Variants in ASCC1 observed in about 807,000 individuals in gnomAD.
The protein encoded by ASCC1 is activating signal cointegrator 1 complex subunit 1.
Under a neutral mutation model 46.6 loss-of-function variants are expected in ASCC1, and 35 were observed. The observed-to-expected ratio is 0.75, with a 90% CI of 0.57 to 0.99. ASCC1 has a LOEUF of 0.99. Ranked by LOEUF, ASCC1 falls within the 50% of genes least tolerant of loss-of-function variation. The pLI, the probability that ASCC1 is intolerant of heterozygous loss-of-function variation, is 0.00. For missense variants in ASCC1, 376 were observed against 428.7 expected, an observed-to-expected ratio of 0.88 and a Z score of 1.09; for synonymous variants, 143 against 146.6, an observed-to-expected ratio of 0.98 and a Z score of 0.18.
chr10:72,122,952 A>C (rs940115970), intron 9 of ASCC1, among the ~76,000 whole-genome samples: 32 of 152,210 alleles, frequency 2.1e-4, no homozygotes. Context: ...AAAATGATAT[A>C]AAATCAATAA....
At chr10:72,122,722 G>C (rs955426571) in intron 9 of ASCC1, among the ~76,000 whole-genome samples, 1 of 152,042 alleles carries the variant, frequency 6.6e-6, no homozygotes, top group East Asian at 1.9e-4. Flanking sequence ...AGGCTGCGAT[G>C]AGCTATGATT....
chr10:72,172,836 TTATATTATATATAATATTTTTATATTATA>T (rs1318041932), intron 5 of ASCC1, among the ~76,000 whole-genome samples: 1 of 134,120 alleles, frequency 7.5e-6, no homozygotes, highest in African/African-American at 2.8e-5. Context: ...TTTTATATTT[TTATATTATATATAATATTTTTATATTATA>T]TATATTATAT....
chr10:72,184,834 A>T lies in ASCC1; in HGVS notation c.489+11977T>A, dbSNP rs201502360. ...ATAACACAATAGTAAGAAACAAAAA[A>T]AATTTTAAATAAGCAATATCACGCA... On this transcript the variant is annotated intron_variant, in intron 5 of 9. Transcript: ENST00000672957. Among the ~76,000 whole-genome samples, 5 of 152,090 alleles carry T rather than the reference A, an allele frequency of 3.3e-5. No homozygotes were observed. In the East Asian group the frequency reaches 9.6e-4, roughly 29 times the overall value.
chr10:72,114,784 T>C (rs1043590063), intron 9 of ASCC1, among the ~76,000 whole-genome samples: 2 of 152,072 alleles, frequency 1.3e-5, no homozygotes, highest in East Asian at 1.9e-4. Flanking sequence ...TAAAGCAAAA[T>C]TGTGTTGGGT....
chr10:72,152,023 G>A (rs1211485796), intron 7 of ASCC1, among the ~76,000 whole-genome samples: 4 of 138,222 alleles, frequency 2.9e-5, no homozygotes, highest in Non-Finnish European at 6.2e-5. Context: ...ACAGGGTCTC[G>A]CTCTGTCACC....
chr10:72,149,437 C>CAAAAAAAA (rs11297879), intron 7 of ASCC1, among the ~76,000 whole-genome samples: 3 of 52,692 alleles, frequency 5.7e-5, no homozygotes, highest in Admixed American at 3.1e-4. Flanking sequence ...GACTCCGTCA[C>CAAAAAAAA]AAAAAAAAAA....
intron 5 of ASCC1, among the ~76,000 whole-genome samples, chr10:72,168,048 G>A (rs762880407): frequency 1.3e-5 from 2 of 152,046 alleles, no homozygotes; most frequent in African/African-American, 2.4e-5. Context: ...AAAACTAGCC[G>A]GGCGTGGTGG....
chr10:72,159,636 T>C lies in ASCC1; in HGVS notation c.626+1902A>G, dbSNP rs1272362556. 3.9e-5 allele frequency among the ~76,000 whole-genome samples: 6 copies of C among 152,180 alleles called. No homozygotes were observed. The South Asian group carries it at 6.2e-4, about 16-fold the overall frequency. ...CCCTGCTTTGTAAAATAAAGCATAA[T>C]GCTTTGCTTTATATAAGGGAAATGG... is the stretch of plus-strand genomic sequence containing the variant. On this transcript the variant is annotated intron_variant, in intron 6 of 9. Coordinates refer to ENST00000672957, the MANE Select transcript of ASCC1 (RefSeq NM_001198800.3).
intron 2 of ASCC1, 54 bp downstream of exon 2, chr10:72,213,133 T>A: frequency 7.8e-7 from 1 of 1,278,700 alleles, no homozygotes; most frequent in South Asian, 1.2e-5. Context: ...AAATTGATCC[T>A]ACAATACACA....
At chr10:72,196,017 T>A (rs1383862081) in intron 5 of ASCC1, among the ~76,000 whole-genome samples, 2 of 152,196 alleles carry the variant, frequency 1.3e-5, no homozygotes, top group African/African-American at 2.4e-5. Context: ...ATACATTTTT[T>A]AAAATCAACT....
chr10:72,135,371 T>C (rs1454789247), intron 7 of ASCC1, among the ~76,000 whole-genome samples: 1 of 152,006 alleles, frequency 6.6e-6, no homozygotes, highest in East Asian at 1.9e-4. Context: ...GGCACTATGT[T>C]AAGTAGAGTG....
chr10:72,152,822 T>G (rs1473083625), intron 7 of ASCC1, 47 bp downstream of exon 7: 20 of 1,612,530 alleles, frequency 1.2e-5, no homozygotes, highest in Middle Eastern at 3.3e-4. Flanking sequence ...TTGAGGATGC[T>G]TTTAGGTACC....
At position 72,161,677 on chromosome 10, in the gene ASCC1, G is replaced by C; in HGVS notation, c.490-3C>G. 6.2e-7 allele frequency: 1 copy of C among 1,614,084 alleles called. No individual in the cohort carries two copies. On this transcript the variant is annotated splice_region_variant and splice_polypyrimidine_tract_variant and intron_variant, in intron 5 of 9. Transcript: ENST00000672957. ...ATGCTGCTGTCAACCCCATGATCCT[G>C]TTATCAAAGAGAGAAAAACAAGAAA...
intron 5 of ASCC1, among the ~76,000 whole-genome samples, chr10:72,191,343 G>T (rs1040558564): frequency 1.3e-5 from 2 of 151,714 alleles, no homozygotes; most frequent in Non-Finnish European, 2.9e-5. Flanking sequence ...GGGATTACAG[G>T]CATGAGCCAC....
At chr10:72,129,918 T>C (rs938401796) in intron 8 of ASCC1, among the ~76,000 whole-genome samples, 1 of 132,460 alleles carries the variant, frequency 7.5e-6, no homozygotes, top group Non-Finnish European at 1.5e-5. Flanking sequence ...GAGGTGGAGG[T>C]TGCAGAGAGC....
At chr10:72,193,280 A>G (rs1854827972) in intron 5 of ASCC1, among the ~76,000 whole-genome samples, 1 of 152,214 alleles carries the variant, frequency 6.6e-6, no homozygotes, top group Non-Finnish European at 1.5e-5. Flanking sequence ...TAGCATATCC[A>G]TAAAGTAGAA....
intron 5 of ASCC1, among the ~76,000 whole-genome samples, chr10:72,170,842 T>C (rs919885696): frequency 2.0e-5 from 3 of 151,972 alleles, no homozygotes; most frequent in Non-Finnish European, 4.4e-5. Context: ...AACATTATTA[T>C]GCAAAAAAAA....
upstream of ASCC1, chr10:72,217,013 T>TG (rs1339435720): frequency 4.4e-6 from 2 of 454,830 alleles, no homozygotes; most frequent in Non-Finnish European, 8.8e-6. Flanking sequence ...GCATGACCTT[T>TG]GCTGAGCTGC....
upstream of ASCC1, chr10:72,216,998 C>T (rs1477994896): frequency 2.2e-6 from 1 of 455,220 alleles, no homozygotes; most frequent in South Asian, 1.5e-5. Context: ...GCTTCTCTAT[C>T]TCCTGCATGA....
Sources: allele counts gnomAD v4.1 joint callset (sites outside exome capture counted in the v4.1 genomes callset), GRCh38; gene constraint gnomAD v4.1.1; transcripts MANE v1.5; gene names NCBI Gene and HGNC (gene_info 2026-07-23, HGNC 2026-07-21).